Variants in DENND1A observed in about 807,000 individuals in gnomAD.
The protein encoded by DENND1A is DENN domain-containing protein 1A.
In DENND1A, 51 loss-of-function variants were observed where a neutral mutation model predicts 113.7. That is an observed-to-expected ratio of 0.45 (90% CI 0.36 to 0.57). DENND1A has a LOEUF of 0.57. Ranked by LOEUF, DENND1A falls within the 20% of genes least tolerant of loss-of-function variation. DENND1A has a pLI of 0.00. For missense variants in DENND1A, 1,258 were observed against 1,395.9 expected, an observed-to-expected ratio of 0.90 and a Z score of 1.57; for synonymous variants, 565 against 570.8, an observed-to-expected ratio of 0.99 and a Z score of 0.14.
At chr9:123,827,307 A>G (rs1053779587) in intron 2 of DENND1A, among the ~76,000 whole-genome samples, 1 of 151,722 alleles carries the variant, frequency 6.6e-6, no homozygotes, top group African/African-American at 2.4e-5. Context: ...AGTCTGAAAG[A>G]AAAGAAGAAC....
intron 13 of DENND1A, among the ~76,000 whole-genome samples, chr9:123,480,598 G>GC (rs1472336793): frequency 1.3e-5 from 2 of 152,134 alleles, no homozygotes; most frequent in Non-Finnish European, 2.9e-5. Flanking sequence ...AGCTGTCCCT[G>GC]CCCCCATAGC....
At chr9:123,798,250 C>T (rs1433521952) in intron 2 of DENND1A, 1 of 152,178 alleles carries the variant, frequency 6.6e-6, no homozygotes, top group African/African-American at 2.4e-5. Context: ...GGAAAGACAG[C>T]AAAAACCCAC....
At chr9:123,494,913 T>A (rs1346978193) in intron 13 of DENND1A, among the ~76,000 whole-genome samples, 1 of 152,110 alleles carries the variant, frequency 6.6e-6, no homozygotes, top group Non-Finnish European at 1.5e-5. Context: ...TGCCTCAGCC[T>A]CCTGAGTAGC....
rs2071313431 is a variant in DENND1A at position 123,764,614 on chromosome 9, G to C, written c.182+4900C>G. ...TCGAGACAGAACGCAATGCCTACCT[G>C]CTGGAGAAACTCACCAGACAATTCT... On this transcript the variant is annotated intron_variant, in intron 4 of 23. Transcript: ENST00000394215. The surrounding 1 kb of genome is among the most constrained non-coding windows in gnomAD (Gnocchi z 4.1). Among the ~76,000 whole-genome samples, 1 of 152,194 alleles carries C rather than the reference G, an allele frequency of 6.6e-6. No homozygotes were observed. Among genetic ancestry groups the C allele is most frequent in the Non-Finnish European group, 1.5e-5 (1 of 68,026 alleles).
intron 4 of DENND1A, among the ~76,000 whole-genome samples, chr9:123,761,637 T>A (rs1056213818): frequency 2.6e-5 from 4 of 152,138 alleles, no homozygotes; most frequent in African/African-American, 4.8e-5. Context: ...CTCAATTGAT[T>A]CCCTTTTTTA....
At chr9:123,536,668 G>A (rs1483498545) in intron 13 of DENND1A, among the ~76,000 whole-genome samples, 1 of 152,038 alleles carries the variant, frequency 6.6e-6, no homozygotes, top group Non-Finnish European at 1.5e-5. Context: ...GAACTCCCGA[G>A]AAAATGCATG....
At chr9:123,388,867 G>A (rs1477855536) in intron 21 of DENND1A, among the ~76,000 whole-genome samples, 1 of 152,200 alleles carries the variant, frequency 6.6e-6, no homozygotes, top group Non-Finnish European at 1.5e-5. Context: ...GGCACTTTGA[G>A]CCTGCTTGGT....
intron 12 of DENND1A, 35 bp downstream of exon 12, chr9:123,583,134 C>T (rs572047071): frequency 6.7e-6 from 10 of 1,493,986 alleles, no homozygotes; most frequent in Non-Finnish European, 9.2e-6. Context: ...TGCAGGAGCT[C>T]ACAGAAGTGA....
chr9:123,458,978 CAAACAAAAAAACA>C (rs1353679215), intron 13 of DENND1A, among the ~76,000 whole-genome samples: 3 of 151,844 alleles, frequency 2.0e-5, no homozygotes, highest in South Asian at 2.1e-4. Context: ...AACAAACAAA[CAAACAAAAAAACA>C]AAACAAAAAA....
Position 123,512,570 on chromosome 9 carries a change from G to A in DENND1A, c.993+45000C>T, listed in dbSNP as rs369598952. Among the ~76,000 whole-genome samples, 37 of 152,362 alleles carry A rather than the reference G, an allele frequency of 2.4e-4. 1 individual carries two copies. In the East Asian group the frequency reaches 5.8e-3, roughly 24 times the overall value. On this transcript the variant is annotated intron_variant, in intron 13 of 23. Transcript: ENST00000394215. Reference sequence around the variant, plus strand: ...TTTTCAGTGCTCCTTCCTGCTGCACGGTCCCACTGGCTATTCTGCAGCCAG... The same window carrying A: ...TTTTCAGTGCTCCTTCCTGCTGCACAGTCCCACTGGCTATTCTGCAGCCAG...
At chr9:123,863,926 T>C (rs2133326109) in intron 2 of DENND1A, among the ~76,000 whole-genome samples, 1 of 152,152 alleles carries the variant, frequency 6.6e-6, no homozygotes, top group Admixed American at 6.5e-5. Context: ...ATGAGATTTT[T>C]TTTTTAAAGG....
chr9:123,611,215 A>G lies in DENND1A; in HGVS notation c.720-1734T>C, dbSNP rs1484870244. ...TTTTTTTTAGGTATCTGCTGTGTGT[A>G]TTCAGCTTCTCTTTGCTTCTAGGGG... is the stretch of plus-strand genomic sequence containing the variant. On this transcript the variant is annotated intron_variant, in intron 10 of 23. Coordinates refer to ENST00000394215, the MANE Select transcript of DENND1A (RefSeq NM_001352964.2). 1.3e-5 allele frequency among the ~76,000 whole-genome samples: 2 copies of G among 151,960 alleles called. 1 individual carries two copies. Among genetic ancestry groups the G allele is most frequent in the Admixed American group, 1.3e-4 (2 of 15,248 alleles).
chr9:123,566,942 A>C (rs10124046), intron 12 of DENND1A, among the ~76,000 whole-genome samples: 21 of 73,088 alleles, frequency 2.9e-4, no homozygotes, highest in African/African-American at 8.3e-4. Flanking sequence ...CACACACACA[A>C]ACACACACAC....
chr9:123,503,307 A>C (rs2052648535), intron 13 of DENND1A, among the ~76,000 whole-genome samples: 1 of 152,198 alleles, frequency 6.6e-6, no homozygotes, highest in Non-Finnish European at 1.5e-5. Flanking sequence ...ATATCTTTTT[A>C]GATGGTTTCA....
At chr9:123,496,820 C>T (rs924820659) in intron 13 of DENND1A, among the ~76,000 whole-genome samples, 1 of 152,166 alleles carries the variant, frequency 6.6e-6, no homozygotes, top group Non-Finnish European at 1.5e-5. Flanking sequence ...TGTGTGCTGC[C>T]GGTGCCCTTG....
At chr9:123,833,010 G>A (rs772316529) in intron 2 of DENND1A, among the ~76,000 whole-genome samples, 6 of 150,336 alleles carry the variant, frequency 4.0e-5, no homozygotes, top group East Asian at 2.0e-4. Flanking sequence ...CTGTAGTCAC[G>A]ACTACTCAGG....
At chr9:123,830,791 G>A (rs10986115) in intron 2 of DENND1A, among the ~76,000 whole-genome samples, 10,583 of 147,626 alleles carry the variant, frequency 0.072, 550 homozygotes, top group African/African-American at 0.15. Context: ...ACTTGAACCC[G>A]GGAGGCAGAG....
At chr9:123,512,325 G>A (rs1009605531) in intron 13 of DENND1A, among the ~76,000 whole-genome samples, 10 of 152,300 alleles carry the variant, frequency 6.6e-5, no homozygotes, top group Middle Eastern at 3.4e-3. Context: ...TGAGGACCTC[G>A]CCTTGTGCTG....
In DENND1A at chr9:123,380,132, CTG is replaced by C. The variant is rs2042202560; in HGVS notation, c.*1298_*1299del. The C allele has an allele frequency of 1.3e-5, 2 of 152,328 alleles. No homozygotes were observed. Among genetic ancestry groups the C allele is most frequent in the South Asian group, 4.1e-4 (2 of 4,826 alleles). The allele number at this position is 152,328 out of a possible 1,614,324, so 9.4% of individuals were successfully genotyped here. On this transcript the variant is annotated 3_prime_UTR_variant, in exon 24 of 24. Transcript: ENST00000394215. ...TGTCCCCCAGACACCCCTGGGTAGACTGTGTCTGACCCTTCACAAATAGGAAA... is the reference window on the plus strand; with the variant it reads ...TGTCCCCCAGACACCCCTGGGTAGACTGTCTGACCCTTCACAAATAGGAAA...
Sources: gnomAD v4.1 joint callset for allele counts (sites outside exome capture counted in the v4.1 genomes callset) on GRCh38, gnomAD v4.1.1 for gene constraint, Gnocchi (gnomAD v3.1) non-coding constraint, MANE v1.5 for transcripts, NCBI Gene and HGNC (gene_info 2026-07-23, HGNC 2026-07-21) for gene names.